The following DNAJB6 variants were observed in gnomAD, a reference collection of about 807,000 sequenced individuals.
DNAJB6 encodes the protein DnaJ heat shock protein family (Hsp40) member B6.
A neutral mutation model predicts 42.7 loss-of-function variants in DNAJB6; 16 were observed. The observed-to-expected ratio is 0.37, with a 90% CI of 0.25 to 0.57. The LOEUF (loss-of-function observed/expected upper bound fraction) is 0.57. Among genes scored for constraint, DNAJB6 ranks in the 20% least tolerant of loss-of-function variants. The pLI, the probability that DNAJB6 is intolerant of heterozygous loss-of-function variation, is 0.74. For missense variants in DNAJB6, 347 were observed against 416.8 expected, an observed-to-expected ratio of 0.83 and a Z score of 1.46; for synonymous variants, 170 against 163.5, an observed-to-expected ratio of 1.04 and a Z score of -0.30.
intron 8 of DNAJB6, among the ~76,000 whole-genome samples, chr7:157,393,473 C>T (rs1026903039): frequency 3.3e-5 from 5 of 152,042 alleles, no homozygotes; most frequent in Non-Finnish European, 7.4e-5. Context: ...TCCCAAAATT[C>T]CTCTACATGG....
At chr7:157,392,757 A>C (rs1204121746) in intron 8 of DNAJB6, among the ~76,000 whole-genome samples, 1 of 152,192 alleles carries the variant, frequency 6.6e-6, no homozygotes, top group East Asian at 1.9e-4. Flanking sequence ...CCCGAGAGCC[A>C]TGTGGCAGAC....
chr7:157,386,104 T>TG (rs1430296490), intron 8 of DNAJB6: 1 of 975,512 alleles, frequency 1.0e-6, no homozygotes, highest in Non-Finnish European at 1.2e-6. Context: ...AATACATTAA[T>TG]GGTAATACAT....
intron 5 of DNAJB6, among the ~76,000 whole-genome samples, chr7:157,375,798 C>T (rs1232055255): frequency 6.6e-6 from 1 of 152,228 alleles, no homozygotes; most frequent in Non-Finnish European, 1.5e-5. Flanking sequence ...GTCTGTCTTT[C>T]ATGCTTGCCT....
At chr7:157,345,322 T>C (rs935295163) in intron 1 of DNAJB6, among the ~76,000 whole-genome samples, 1 of 152,092 alleles carries the variant, frequency 6.6e-6, no homozygotes, top group African/African-American at 2.4e-5. Context: ...TATATTTTGT[T>C]TTTTTCTGAG....
intron 9 of DNAJB6, chr7:157,414,569 T>C (rs1432267418): frequency 6.6e-6 from 1 of 152,000 alleles, no homozygotes; most frequent in Non-Finnish European, 1.5e-5. Context: ...GCACATTTCC[T>C]AAATATGCAG....
chr7:157,360,966 T>G lies in DNAJB6; in HGVS notation c.66-2195T>G, dbSNP rs181003800. Among the ~76,000 whole-genome samples, 230 of 152,318 alleles carry G rather than the reference T, an allele frequency of 1.5e-3. 3 individuals carry two copies. Among genetic ancestry groups the G allele is most frequent in the Non-Finnish European group, 1.8e-4 (12 of 68,026 alleles). On this transcript the variant is annotated intron_variant, in intron 2 of 9. Transcript: ENST00000262177. ...TATTACACCTTGATTTTTAAATATT[T>G]TAGTAGTGTATGACTGGGGCATACA...
chr7:157,362,515 CAGTCA>C (rs1799655143), intron 2 of DNAJB6, among the ~76,000 whole-genome samples: 1 of 152,090 alleles, frequency 6.6e-6, no homozygotes, highest in South Asian at 2.1e-4. Context: ...GCTGGGATTA[CAGTCA>C]AGTACCACAA....
intron 3 of DNAJB6, among the ~76,000 whole-genome samples, chr7:157,365,054 C>T (rs181882604): frequency 1.6e-3 from 248 of 152,294 alleles, no homozygotes; most frequent in Admixed American, 3.8e-3. Flanking sequence ...CAGGCTCAAG[C>T]GATTCTCCCA....
At chr7:157,382,422 A>C in intron 6 of DNAJB6, 45 bp downstream of exon 6, 1 of 1,555,778 alleles carries the variant, frequency 6.4e-7, no homozygotes, top group African/African-American at 1.4e-5. Context: ...AACAGCAGTT[A>C]GTACTTATAA....
At chr7:157,368,652 T>G (rs768582750) in intron 5 of DNAJB6, 1 of 153,242 alleles carries the variant, frequency 6.5e-6, no homozygotes, top group Admixed American at 6.5e-5. Context: ...AGCTGTCTCC[T>G]GTTAGAGTCT....
intron 3 of DNAJB6, among the ~76,000 whole-genome samples, chr7:157,365,856 G>A (rs1216059604): frequency 1.3e-5 from 2 of 151,696 alleles, no homozygotes; most frequent in African/African-American, 2.4e-5. Context: ...TAGAGACTGG[G>A]TTTCTCCGTG....
intron 1 of DNAJB6, among the ~76,000 whole-genome samples, chr7:157,345,551 A>C (rs1226152874): frequency 6.6e-6 from 1 of 152,118 alleles, no homozygotes; most frequent in East Asian, 1.9e-4. Flanking sequence ...TCTTGGGCTC[A>C]AGTGATCCTT....
chr7:157,353,230 G>A (rs1799090045), intron 1 of DNAJB6, among the ~76,000 whole-genome samples: 1 of 150,610 alleles, frequency 6.6e-6, no homozygotes. Flanking sequence ...ACCCGGTCCA[G>A]TTTGGTTTCT....
intron 5 of DNAJB6, among the ~76,000 whole-genome samples, chr7:157,374,091 C>T (rs746800638): frequency 6.6e-6 from 1 of 152,142 alleles, no homozygotes; most frequent in Non-Finnish European, 1.5e-5. Context: ...TTGTTGGAAC[C>T]ATCCTTGTGT....
At chr7:157,382,027 A>G (rs192249092) in intron 5 of DNAJB6, 474 of 413,580 alleles carry the variant, frequency 1.1e-3, no homozygotes, top group African/African-American at 9.0e-3. Context: ...AATTTATTTG[A>G]TACAATGTAT....
At chr7:157,338,737 G>T (rs1316658825) in intron 1 of DNAJB6, among the ~76,000 whole-genome samples, 2 of 152,222 alleles carry the variant, frequency 1.3e-5, no homozygotes, top group Non-Finnish European at 2.9e-5. Flanking sequence ...TAGTTTTTAT[G>T]CACGCTTCAG....
At chr7:157,341,503 T>TC (rs1295949839) in intron 1 of DNAJB6, among the ~76,000 whole-genome samples, 1 of 152,198 alleles carries the variant, frequency 6.6e-6, no homozygotes, top group South Asian at 2.1e-4. Flanking sequence ...ATATGATTTT[T>TC]CCCCCTTTGA....
chr7:157,367,305 C>T (rs1799892107), intron 4 of DNAJB6, 68 bp from the exon 5 acceptor site: 1 of 1,037,878 alleles, frequency 9.6e-7, no homozygotes, highest in Non-Finnish European at 1.5e-6. Context: ...AATGTTTTGT[C>T]AACAAAGAAT....
intron 1 of DNAJB6, among the ~76,000 whole-genome samples, chr7:157,343,383 C>G (rs1437846373): frequency 6.6e-6 from 1 of 152,074 alleles, no homozygotes; most frequent in Non-Finnish European, 1.5e-5. Flanking sequence ...TGGTCTTGAA[C>G]ACCTCAGGTG....
Sources: gnomAD v4.1 joint callset for allele counts (sites outside exome capture counted in the v4.1 genomes callset) on GRCh38, gnomAD v4.1.1 for gene constraint, MANE v1.5 for transcripts, NCBI Gene and HGNC (gene_info 2026-07-23, HGNC 2026-07-21) for gene names.